The following RUNDC3B variants were observed in gnomAD, a reference collection of about 807,000 sequenced individuals.
The protein encoded by RUNDC3B is RUN domain-containing protein 3B.
Under a neutral mutation model 58.4 loss-of-function variants are expected in RUNDC3B, and 33 were observed. That is an observed-to-expected ratio of 0.56 (90% CI 0.43 to 0.75). The LOEUF (loss-of-function observed/expected upper bound fraction) is 0.75, where lower values mean the gene tolerates loss of function less well. Among genes scored for constraint, RUNDC3B ranks in the 30% least tolerant of loss-of-function variants. The pLI, the probability that RUNDC3B is intolerant of heterozygous loss-of-function variation, is 0.00. For missense variants in RUNDC3B, 501 were observed against 535.7 expected, an observed-to-expected ratio of 0.94 and a Z score of 0.64; for synonymous variants, 193 against 195.2, an observed-to-expected ratio of 0.99 and a Z score of 0.10.
intron 1 of RUNDC3B, among the ~76,000 whole-genome samples, chr7:87,646,776 G>A (rs1489018456): frequency 2.0e-5 from 3 of 152,126 alleles, no homozygotes; most frequent in Non-Finnish European, 4.4e-5. Context: ...TTGTCACTGA[G>A]ATGGACGTAG....
At chr7:87,773,182 G>A (rs1197179424) in intron 7 of RUNDC3B, among the ~76,000 whole-genome samples, 4 of 151,948 alleles carry the variant, frequency 2.6e-5, no homozygotes, top group African/African-American at 9.7e-5. Context: ...AATTAGCCGG[G>A]CATGGTGGCG....
At chr7:87,677,558 A>G (rs1826500905) in intron 2 of RUNDC3B, among the ~76,000 whole-genome samples, 2 of 152,144 alleles carry the variant, frequency 1.3e-5, no homozygotes, top group Admixed American at 6.5e-5. Flanking sequence ...CAAAGGGTAC[A>G]AGCCTTCAGT....
At chr7:87,761,137 A>G (rs1009868521) in intron 6 of RUNDC3B, among the ~76,000 whole-genome samples, 2 of 151,934 alleles carry the variant, frequency 1.3e-5, no homozygotes, top group African/African-American at 4.8e-5. Flanking sequence ...CAACACAAAT[A>G]TAAACAACCC....
intron 2 of RUNDC3B, among the ~76,000 whole-genome samples, chr7:87,697,678 A>G (rs1828609960): frequency 6.6e-6 from 1 of 152,218 alleles, no homozygotes; most frequent in Non-Finnish European, 1.5e-5. Context: ...ATTAACACTT[A>G]TTTTGAATTT....
Position 87,739,810 on chromosome 7 carries a change from G to A in RUNDC3B, c.478G>A (p.Ala160Thr). ...KTTRRFYEDGAIVLGEEANML... is the reference protein window; with the variant it reads ...KTTRRFYEDGTIVLGEEANML... ...TTTTAGGAGATTTTATGAAGATGGA[G>A]CAATTGTCTTGGGTGAAGAAGCAAA... is the stretch of plus-strand genomic sequence containing the variant. Residue 160 changes from alanine (A) to threonine (T), a missense_variant, in exon 5 of 11, where the codon GCA becomes ACA. Transcript: ENST00000394654. 6.3e-7 allele frequency: 1 copy of A among 1,576,272 alleles called. No individual in the cohort carries two copies. The highest frequency in any genetic ancestry group is 8.7e-7 in the Non-Finnish European group (1 of 1,150,194).
At chr7:87,696,946 A>T (rs1285331895) in intron 2 of RUNDC3B, among the ~76,000 whole-genome samples, 1 of 152,116 alleles carries the variant, frequency 6.6e-6, no homozygotes, top group Non-Finnish European at 1.5e-5. Flanking sequence ...CTAGTTTTCT[A>T]GTTTTTCTGT....
chr7:87,682,698 C>T (rs2130597817), intron 2 of RUNDC3B, among the ~76,000 whole-genome samples: 1 of 152,262 alleles, frequency 6.6e-6, no homozygotes, highest in South Asian at 2.1e-4. Context: ...GAGCTGTCAT[C>T]CAGGCTTTGT....
chr7:87,661,190 C>A (rs1285932145), intron 2 of RUNDC3B, among the ~76,000 whole-genome samples: 1 of 151,786 alleles, frequency 6.6e-6, no homozygotes, highest in Non-Finnish European at 1.5e-5. Context: ...TACAGGCACA[C>A]AATGTGTAAT....
At chr7:87,801,630 G>A (rs913853068) in intron 8 of RUNDC3B, among the ~76,000 whole-genome samples, 12 of 152,052 alleles carry the variant, frequency 7.9e-5, no homozygotes, top group Non-Finnish European at 8.8e-5. Context: ...TTAGCTGGGC[G>A]TTGTGGCACA....
chr7:87,682,812 C>T (rs2130598402), intron 2 of RUNDC3B, among the ~76,000 whole-genome samples: 1 of 152,294 alleles, frequency 6.6e-6, no homozygotes, highest in African/African-American at 2.4e-5. Flanking sequence ...TTAAAGCCAC[C>T]AGCTGCGTTA....
chr7:87,672,775 A>G (rs1825959850), intron 2 of RUNDC3B, among the ~76,000 whole-genome samples: 1 of 152,132 alleles, frequency 6.6e-6, no homozygotes, highest in Non-Finnish European at 1.5e-5. Flanking sequence ...GAGGTCACAC[A>G]TTGACTCACT....
chr7:87,744,126 ATTTGGG>A (rs1219168025), intron 6 of RUNDC3B, among the ~76,000 whole-genome samples: 1 of 151,986 alleles, frequency 6.6e-6, no homozygotes, highest in Non-Finnish European at 1.5e-5. Flanking sequence ...GGCTGTAAGT[ATTTGGG>A]TTTATTTCTG....
At chr7:87,821,696 T>C (rs981663910) in intron 10 of RUNDC3B, among the ~76,000 whole-genome samples, 12 of 152,086 alleles carry the variant, frequency 7.9e-5, no homozygotes, top group African/African-American at 2.9e-4. Context: ...AACAGAGATA[T>C]AGATCAATGG....
intron 8 of RUNDC3B, among the ~76,000 whole-genome samples, chr7:87,786,324 A>C (rs1259037053): frequency 6.6e-6 from 1 of 152,172 alleles, no homozygotes; most frequent in Non-Finnish European, 1.5e-5. Context: ...ATGATTTTTA[A>C]AGTTAGAAAG....
At chr7:87,675,593 A>T (rs941928734) in intron 2 of RUNDC3B, among the ~76,000 whole-genome samples, 14 of 150,706 alleles carry the variant, frequency 9.3e-5, no homozygotes. Flanking sequence ...CCAAGAGTAC[A>T]CAATAGGGAA....
chr7:87,781,928 A>G (rs970305819), intron 8 of RUNDC3B, among the ~76,000 whole-genome samples: 1 of 152,074 alleles, frequency 6.6e-6, no homozygotes, highest in Non-Finnish European at 1.5e-5. Flanking sequence ...CATTAGGGAT[A>G]CTGGCCTATA....
At chr7:87,672,397 A>G (rs1016888723) in intron 2 of RUNDC3B, among the ~76,000 whole-genome samples, 1 of 152,106 alleles carries the variant, frequency 6.6e-6, no homozygotes, top group African/African-American at 2.4e-5. Flanking sequence ...CCTCCCCTGG[A>G]CGCTCCTCCC....
chr7:87,684,274 A>G (rs952697518), intron 2 of RUNDC3B, among the ~76,000 whole-genome samples: 7 of 152,220 alleles, frequency 4.6e-5, no homozygotes, highest in Non-Finnish European at 1.0e-4. Context: ...ATTGTTTTAT[A>G]GATTCAATGC....
At chr7:87,803,998 A>T (rs1262940071) in intron 8 of RUNDC3B, among the ~76,000 whole-genome samples, 1 of 152,136 alleles carries the variant, frequency 6.6e-6, no homozygotes, top group Non-Finnish European at 1.5e-5. Flanking sequence ...AAACAAAGCT[A>T]CCGTTCCCAA....
Sources: gnomAD v4.1 joint callset for allele counts (sites outside exome capture counted in the v4.1 genomes callset) on GRCh38, gnomAD v4.1.1 for gene constraint, MANE v1.5 for transcripts, NCBI Gene and HGNC (gene_info 2026-07-23, HGNC 2026-07-21) for gene names.